LDLRAD4: variants seen among roughly 807,000 people sequenced by gnomAD.
LDLRAD4 encodes low density lipoprotein receptor class A domain containing 4.
LDLRAD4 carries 5 observed loss-of-function variants against 17.0 expected under a neutral mutation model. The observed-to-expected ratio is 0.29, with a 90% confidence interval of 0.15 to 0.62. The LOEUF (loss-of-function observed/expected upper bound fraction) is 0.62, where lower values mean the gene tolerates loss of function less well. LDLRAD4 is among the 20% of genes least tolerant of loss of function. LDLRAD4 has a pLI of 0.84. For synonymous variants in LDLRAD4, 168 were observed against 171.8 expected, an observed-to-expected ratio of 0.98 and a Z score of 0.17; for missense variants, 340 against 424.7, an observed-to-expected ratio of 0.80 and a Z score of 1.75.
Position 13,246,297 on chromosome 18 carries a change from G to T in LDLRAD4, c.-467+27309G>T, listed in dbSNP as rs535035054. Among the ~76,000 whole-genome samples, 35 of 152,308 alleles carry T rather than the reference G, an allele frequency of 2.3e-4. 1 individual carries two copies. Among genetic ancestry groups the T allele is most frequent in the Admixed American group, 1.1e-3 (17 of 15,304 alleles). The stretch of plus-strand genomic sequence containing the variant: ...TGCTGAGACTGCACTGTGCCCTTGG[G>T]GTCCCTGTGCAGCCCTGGGGATCTC... On this transcript the variant is annotated intron_variant, in intron 1 of 5. Coordinates refer to the LDLRAD4 transcript ENST00000399848.
chr18:13,476,373 C>A (rs574409383), intron 3 of LDLRAD4, among the ~76,000 whole-genome samples: 1 of 152,124 alleles, frequency 6.6e-6, no homozygotes, highest in East Asian at 1.9e-4. Flanking sequence ...ATCTGTAATC[C>A]CAGCACTTTG....
At position 13,584,805 on chromosome 18, in the gene LDLRAD4, T is replaced by C. The variant is rs187017777; in HGVS notation, c.182-36312T>C. Among the ~76,000 whole-genome samples the C allele has an allele frequency of 7.0e-4, 107 of 152,320 alleles. 1 individual carries two copies. The East Asian group carries it at 0.01, about 14-fold the overall frequency. ...TACACTGTAGAACCAGGATAAACCA[T>C]AATTGTCCAAATCCTTCAGGGCTTT... On this transcript the variant is annotated intron_variant, in intron 3 of 5. Coordinates refer to ENST00000359446, the Ensembl canonical transcript of LDLRAD4.
At chr18:13,606,770 G>C (rs1313064145) in intron 3 of LDLRAD4, among the ~76,000 whole-genome samples, 1 of 152,144 alleles carries the variant, frequency 6.6e-6, no homozygotes, top group Non-Finnish European at 1.5e-5. Flanking sequence ...CCAAATTCCA[G>C]GGATTAATTT....
chr18:13,541,815 G>T (rs1270744736), intron 3 of LDLRAD4, among the ~76,000 whole-genome samples: 3 of 152,200 alleles, frequency 2.0e-5, no homozygotes, highest in Non-Finnish European at 4.4e-5. Flanking sequence ...CACTTTGGGA[G>T]ACCAAGCCAG....
At chr18:13,644,767 A>G (rs1295753450) in intron 5 of LDLRAD4, 3 of 224,076 alleles carry the variant, frequency 1.3e-5, no homozygotes, top group African/African-American at 2.3e-5. Flanking sequence ...TGCAGGCCGC[A>G]GTGCTCTTCG....
chr18:13,468,258 A>T (rs1171236536), intron 3 of LDLRAD4, among the ~76,000 whole-genome samples: 1 of 152,264 alleles, frequency 6.6e-6, no homozygotes, highest in Non-Finnish European at 1.5e-5. Flanking sequence ...AAGGCTTATT[A>T]TTCAGAATAT....
At chr18:13,605,007 G>A (rs76400982) in intron 3 of LDLRAD4, among the ~76,000 whole-genome samples, 2,059 of 152,270 alleles carry the variant, frequency 0.014, 44 homozygotes, top group African/African-American at 0.046. Flanking sequence ...AGGCCGAGGC[G>A]GGGACAGAGA....
chr18:13,414,725 G>T (rs1223485810), intron 2 of LDLRAD4, among the ~76,000 whole-genome samples: 1 of 152,222 alleles, frequency 6.6e-6, no homozygotes, highest in Non-Finnish European at 1.5e-5. Flanking sequence ...GCAGGAAAGG[G>T]TGGGGAGCTC....
At chr18:13,642,703 G>A (rs2042684232) in intron 4 of LDLRAD4, 3 of 1,231,568 alleles carry the variant, frequency 2.4e-6, no homozygotes, top group Non-Finnish European at 3.0e-6. Flanking sequence ...TGCCCTCATC[G>A]GGCGGCCACT....
At chr18:13,513,784 C>T (rs909325843) in intron 3 of LDLRAD4, among the ~76,000 whole-genome samples, 40 of 152,332 alleles carry the variant, frequency 2.6e-4, no homozygotes, top group African/African-American at 9.6e-4. Flanking sequence ...AAGGTGGGTC[C>T]TACCCTGGCA....
At chr18:13,504,887 C>G (rs1325447894) in intron 3 of LDLRAD4, among the ~76,000 whole-genome samples, 1 of 152,138 alleles carries the variant, frequency 6.6e-6, no homozygotes, top group Non-Finnish European at 1.5e-5. Context: ...TTGGGAATAT[C>G]CACCCTTAGT....
intron 3 of LDLRAD4, among the ~76,000 whole-genome samples, chr18:13,604,564 G>T (rs1315130957): frequency 6.6e-6 from 1 of 152,170 alleles, no homozygotes; most frequent in Non-Finnish European, 1.5e-5. Context: ...TAACTCCTGA[G>T]TTAATAAACA....
At chr18:13,363,793 C>T (rs1005256030) in intron 1 of LDLRAD4, among the ~76,000 whole-genome samples, 1 of 152,178 alleles carries the variant, frequency 6.6e-6, no homozygotes, top group Non-Finnish European at 1.5e-5. Context: ...TATAATCAGT[C>T]TCATTTTTAA....
intron 1 of LDLRAD4, among the ~76,000 whole-genome samples, chr18:13,234,461 T>C (rs1026966356): frequency 7.0e-6 from 1 of 142,848 alleles, no homozygotes. Flanking sequence ...GCCAGGACTG[T>C]TTGTTGAATA....
chr18:13,509,969 G>A (rs139895702), intron 3 of LDLRAD4, among the ~76,000 whole-genome samples: 9 of 152,316 alleles, frequency 5.9e-5, no homozygotes, highest in African/African-American at 2.2e-4. Flanking sequence ...TTTTTTAGAC[G>A]TAATGCTGTC....
chr18:13,547,847 C>T (rs2094386852), intron 3 of LDLRAD4, among the ~76,000 whole-genome samples: 1 of 152,206 alleles, frequency 6.6e-6, no homozygotes, highest in South Asian at 2.1e-4. Flanking sequence ...TCTCTCTTCT[C>T]TCCTTCTTGT....
At chr18:13,586,420 A>AAAAAAAAAAAAAAAAAG (rs2094935516) in intron 3 of LDLRAD4, among the ~76,000 whole-genome samples, 6 of 148,308 alleles carry the variant, frequency 4.0e-5, no homozygotes, top group Admixed American at 2.0e-4. Flanking sequence ...AAAAAAAAAA[A>AAAAAAAAAAAAAAAAAG]AGAATAGAAA....
intron 3 of LDLRAD4, among the ~76,000 whole-genome samples, chr18:13,608,480 C>G (rs1053447692): frequency 6.6e-6 from 1 of 152,128 alleles, no homozygotes; most frequent in Admixed American, 6.6e-5. Flanking sequence ...CTCCCTTTAC[C>G]ACTCAGAAAT....
chr18:13,453,682 G>C (rs113759613), intron 3 of LDLRAD4, among the ~76,000 whole-genome samples: 5,636 of 152,306 alleles, frequency 0.037, 125 homozygotes, highest in East Asian at 0.05. Context: ...CAGGGCATGC[G>C]ATGTCTTTGA....
Sources: allele counts gnomAD v4.1 joint callset (sites outside exome capture counted in the v4.1 genomes callset), GRCh38; gene constraint gnomAD v4.1.1; transcripts MANE v1.5; gene names NCBI Gene and HGNC (gene_info 2026-07-23, HGNC 2026-07-21).